The following SNAP91 variants were observed in gnomAD, a reference collection of about 807,000 sequenced individuals.
SNAP91 encodes the protein clathrin coat assembly protein AP180.
SNAP91 carries 27 observed loss-of-function variants against 100.3 expected under a neutral mutation model. The observed-to-expected ratio is 0.27, with a 90% CI of 0.20 to 0.37. The LOEUF (loss-of-function observed/expected upper bound fraction) is 0.37, where lower values mean the gene tolerates loss of function less well. Ranked by LOEUF, SNAP91 falls within the 10% of genes least tolerant of loss-of-function variation. SNAP91 has a pLI of 1.00. For missense variants in SNAP91, 986 were observed against 1,123.7 expected (o/e 0.88, Z 1.75); for synonymous variants, 404 against 398.6 (o/e 1.01, Z -0.16).
At chr6:83,591,112 G>A (rs899809383) in intron 22 of SNAP91, 99 bp downstream of exon 22, 42 of 778,298 alleles carry the variant, frequency 5.4e-5, no homozygotes, top group Middle Eastern at 3.4e-4. Flanking sequence ...GAAAGAAAAA[G>A]AAAACATGCA....
chr6:83,574,183 G>A (rs1813834734), intron 26 of SNAP91, among the ~76,000 whole-genome samples: 2 of 152,156 alleles, frequency 1.3e-5, no homozygotes, highest in African/African-American at 4.8e-5. Flanking sequence ...AGGTGGAGGT[G>A]GTAAGCAAAG....
chr6:83,632,707 A>C (rs147931260), intron 8 of SNAP91, among the ~76,000 whole-genome samples: 3 of 152,214 alleles, frequency 2.0e-5, no homozygotes, highest in Non-Finnish European at 4.4e-5. Flanking sequence ...TTGCATTTCT[A>C]TAAGTGTGTC....
At chr6:83,705,201 TA>T (rs2099361587) in intron 2 of SNAP91, among the ~76,000 whole-genome samples, 1 of 152,156 alleles carries the variant, frequency 6.6e-6, no homozygotes, top group Non-Finnish European at 1.5e-5. Flanking sequence ...ATTAGAAAAG[TA>T]AAACATTAAA....
chr6:83,652,271 T>C (rs1172279588), intron 7 of SNAP91, among the ~76,000 whole-genome samples: 2 of 152,160 alleles, frequency 1.3e-5, no homozygotes, highest in Non-Finnish European at 2.9e-5. Flanking sequence ...TTGTTCTTTG[T>C]TCCTATTTTT....
At chr6:83,613,290 TTTATATCCC>T (rs1342179003) in intron 11 of SNAP91, among the ~76,000 whole-genome samples, 2 of 152,214 alleles carry the variant, frequency 1.3e-5, no homozygotes, top group African/African-American at 4.8e-5. Context: ...ATCCCATTGT[TTTATATCCC>T]TAGCACTTTA....
intron 10 of SNAP91, among the ~76,000 whole-genome samples, chr6:83,615,578 C>T (rs930089720): frequency 6.6e-6 from 1 of 152,124 alleles, no homozygotes; most frequent in Non-Finnish European, 1.5e-5. Context: ...TCCCCGGCCA[C>T]GCTGAGATTG....
chr6:83,607,906 A>ATTT, intron 12 of SNAP91, 98 bp from the exon 13 acceptor site: 1 of 459,826 alleles, frequency 2.2e-6, no homozygotes, highest in South Asian at 7.5e-5. Context: ...ATGCCCAGCA[A>ATTT]TTTTTTTTTT....
chr6:83,612,602 G>A (rs1307712772), intron 11 of SNAP91, among the ~76,000 whole-genome samples: 1 of 152,122 alleles, frequency 6.6e-6, no homozygotes, highest in African/African-American at 2.4e-5. Context: ...GAGGCCAGGT[G>A]CGGTGGCTCA....
At chr6:83,564,805 G>A (rs1306346005) in intron 26 of SNAP91, among the ~76,000 whole-genome samples, 1 of 151,504 alleles carries the variant, frequency 6.6e-6, no homozygotes, top group East Asian at 1.9e-4. Context: ...TAAAACTCCT[G>A]GAAAGAAACA....
intron 9 of SNAP91, among the ~76,000 whole-genome samples, chr6:83,619,146 T>C (rs1030664114): frequency 2.0e-5 from 3 of 152,020 alleles, no homozygotes; most frequent in Admixed American, 6.6e-5. Flanking sequence ...AAAGAGAAAT[T>C]TGATCAAGGA....
chr6:83,601,759 A>G (rs2095253944), intron 14 of SNAP91, among the ~76,000 whole-genome samples, 160 bp from the exon 15 acceptor site: 1 of 152,182 alleles, frequency 6.6e-6, no homozygotes, highest in East Asian at 1.9e-4. Context: ...TGTACTACCT[A>G]TTATCATGGA....
intron 16 of SNAP91, among the ~76,000 whole-genome samples, chr6:83,596,977 C>A (rs2094542757): frequency 6.6e-6 from 1 of 151,938 alleles, no homozygotes; most frequent in African/African-American, 2.4e-5. Context: ...ATGGGCTGAC[C>A]CCTTTAGGTT....
chr6:83,607,640 A>G (rs373232258), intron 13 of SNAP91, 59 bp downstream of exon 13: 6 of 1,172,914 alleles, frequency 5.1e-6, no homozygotes, highest in East Asian at 2.6e-5. Flanking sequence ...GCACATAAAA[A>G]TAAAACCAAA....
intron 14 of SNAP91, among the ~76,000 whole-genome samples, chr6:83,605,480 A>G (rs2095552146): frequency 6.6e-6 from 1 of 152,190 alleles, no homozygotes; most frequent in African/African-American, 2.4e-5. Flanking sequence ...GACTATTTGA[A>G]CATTCTCACT....
At chr6:83,698,761 T>C (rs566973862) in intron 2 of SNAP91, among the ~76,000 whole-genome samples, 2 of 152,300 alleles carry the variant, frequency 1.3e-5, no homozygotes, top group East Asian at 3.9e-4. Context: ...GCAATATATG[T>C]TTCAGAGTTC....
intron 2 of SNAP91, among the ~76,000 whole-genome samples, chr6:83,688,689 G>A (rs890104125): frequency 2.0e-5 from 3 of 151,958 alleles, no homozygotes; most frequent in African/African-American, 7.3e-5. Flanking sequence ...ATTTTTGGTA[G>A]AGACGGGGTT....
At chr6:83,574,155 G>T (rs991921732) in intron 26 of SNAP91, among the ~76,000 whole-genome samples, 1 of 152,308 alleles carries the variant, frequency 6.6e-6, no homozygotes, top group Non-Finnish European at 1.5e-5. Flanking sequence ...AAGCCTTAGA[G>T]ATGGGTTTGA....
chr6:83,644,057 T>G (rs117722563), intron 7 of SNAP91, among the ~76,000 whole-genome samples: 47 of 152,302 alleles, frequency 3.1e-4, no homozygotes, highest in South Asian at 1.0e-3. Flanking sequence ...AATCTTCATA[T>G]AAAAAACTTC....
intron 18 of SNAP91, 44 bp downstream of exon 18, chr6:83,593,434 A>G: frequency 6.5e-7 from 1 of 1,543,210 alleles, no homozygotes; most frequent in Non-Finnish European, 8.8e-7. Context: ...TCAGAATTCA[A>G]TCCACTAGAC....
Sources: gnomAD v4.1 joint callset for allele counts (sites outside exome capture counted in the v4.1 genomes callset) on GRCh38, gnomAD v4.1.1 for gene constraint, MANE v1.5 for transcripts, NCBI Gene and HGNC (gene_info 2026-07-23, HGNC 2026-07-21) for gene names.